SDK1: variants seen among roughly 807,000 people sequenced by gnomAD.
SDK1 encodes the protein protein sidekick-1.
A neutral mutation model predicts 245.5 loss-of-function variants in SDK1; 157 were observed. That is an observed-to-expected ratio of 0.64 (90% CI 0.56 to 0.73). The LOEUF is 0.73. Among genes scored for constraint, SDK1 ranks in the 30% least tolerant of loss-of-function variants. The pLI, the probability that SDK1 is intolerant of heterozygous loss-of-function variation, is 0.00. For missense variants in SDK1, 3,583 were observed against 3,002.3 expected, an observed-to-expected ratio of 1.19 and a Z score of -4.52; for synonymous variants, 1,647 against 1,278.5, an observed-to-expected ratio of 1.29 and a Z score of -6.15.
chr7:4,000,072 G>T (rs2128143944), intron 14 of SDK1, among the ~76,000 whole-genome samples: 1 of 152,308 alleles, frequency 6.6e-6, no homozygotes, highest in South Asian at 2.1e-4. Context: ...GGAGGCTGAG[G>T]GCCTGGAGCA....
intron 25 of SDK1, among the ~76,000 whole-genome samples, chr7:4,123,631 A>C (rs1784206203): frequency 6.6e-6 from 1 of 152,160 alleles, no homozygotes; most frequent in Non-Finnish European, 1.5e-5. Flanking sequence ...TACTCAAATA[A>C]ATGGATAGTA....
rs185529042 is a variant in SDK1, at chr7:3,614,980, G to C, written c.299-4100G>C. 9.3e-3 allele frequency among the ~76,000 whole-genome samples: 1,404 copies of C among 151,350 alleles called. 48 individuals are homozygous for C. The highest frequency in any genetic ancestry group is 0.015 in the Non-Finnish European group (1,021 of 67,736). ...ATTTGTACATGGTATAGGCATGTTT[G>C]TTTAACTATAAAGTCCATGAAAAAT... On this transcript the variant is annotated intron_variant, in intron 1 of 44. Coordinates refer to ENST00000404826, the MANE Select transcript of SDK1 (RefSeq NM_152744.4).
chr7:4,150,084 T>C (rs1366821599), intron 30 of SDK1, among the ~76,000 whole-genome samples: 3 of 152,062 alleles, frequency 2.0e-5, no homozygotes, highest in Non-Finnish European at 4.4e-5. Flanking sequence ...TCCTCACAAC[T>C]GCGGTTTACA....
chr7:3,548,971 C>T (rs1173554077), intron 1 of SDK1, among the ~76,000 whole-genome samples: 1 of 152,212 alleles, frequency 6.6e-6, no homozygotes, highest in Non-Finnish European at 1.5e-5. Flanking sequence ...GGGTTTTACT[C>T]TCCCTACTAT....
chr7:4,230,856 G>T (rs1785716191), intron 40 of SDK1, among the ~76,000 whole-genome samples: 1 of 152,156 alleles, frequency 6.6e-6, no homozygotes, highest in Non-Finnish European at 1.5e-5. Context: ...TGAGTCTGAG[G>T]GGGCAAAAGG....
chr7:3,890,811 G>A (rs1781440610), intron 5 of SDK1, among the ~76,000 whole-genome samples: 1 of 152,104 alleles, frequency 6.6e-6, no homozygotes, highest in Non-Finnish European at 1.5e-5. Flanking sequence ...GTGTTGTGGT[G>A]GGTGCCTGTA....
In SDK1 at chr7:3,425,236, T is replaced by A. The variant is rs150102848; in HGVS notation, c.298+123352T>A. Among the ~76,000 whole-genome samples, 899 of 152,218 alleles carry A rather than the reference T, an allele frequency of 5.9e-3. 6 individuals carry two copies. Among genetic ancestry groups the A allele is most frequent in the African/African-American group, 0.02 (829 of 41,548 alleles). Reference sequence around the variant, plus strand: ...AAGTGAGCTCAGGGAGACAGGCCTGTTGTTATCTTCCTATGGCACTGATTT... The same window carrying A: ...AAGTGAGCTCAGGGAGACAGGCCTGATGTTATCTTCCTATGGCACTGATTT... On this transcript the variant is annotated intron_variant, in intron 1 of 44. Transcript: ENST00000404826.
intron 4 of SDK1, 149 bp downstream of exon 4, chr7:3,642,254 C>G: frequency 3.1e-6 from 2 of 640,958 alleles, no homozygotes; most frequent in South Asian, 2.3e-5. Flanking sequence ...TAATAAACAG[C>G]TATTTGAGGA....
At chr7:4,161,432 G>A (rs535655586) in intron 31 of SDK1, among the ~76,000 whole-genome samples, 35 of 152,302 alleles carry the variant, frequency 2.3e-4, no homozygotes, top group African/African-American at 7.7e-4. Context: ...AAGAGAAAAA[G>A]ATAAGTTCCC....
chr7:4,076,781 G>A (rs1022943509), intron 20 of SDK1, among the ~76,000 whole-genome samples: 7 of 152,096 alleles, frequency 4.6e-5, no homozygotes, highest in South Asian at 2.1e-4. Context: ...TGGTGGGACC[G>A]TCACTCCCAT....
chr7:4,138,168 C>G (rs1355460265), intron 28 of SDK1, among the ~76,000 whole-genome samples: 1 of 152,188 alleles, frequency 6.6e-6, no homozygotes, highest in Non-Finnish European at 1.5e-5. Flanking sequence ...CTGCAATTAG[C>G]AGGGATGCCG....
intron 5 of SDK1, among the ~76,000 whole-genome samples, chr7:3,919,901 C>G (rs991765842): frequency 5.3e-5 from 8 of 152,136 alleles, no homozygotes; most frequent in African/African-American, 1.9e-4. Context: ...AAACACCAAT[C>G]AGATGTGACC....
chr7:4,037,942 T>G (rs1323362770), intron 17 of SDK1, among the ~76,000 whole-genome samples: 1 of 152,252 alleles, frequency 6.6e-6, no homozygotes, highest in Non-Finnish European at 1.5e-5. Flanking sequence ...TGTGTAAGCT[T>G]TGACCATTTC....
rs112552777 is a variant in SDK1, at chr7:4,180,503, T to C, written c.5098+1917T>C. 4.5e-3 allele frequency among the ~76,000 whole-genome samples: 531 copies of C among 118,086 alleles called. 3 individuals carry two copies. Among genetic ancestry groups the C allele is most frequent in the African/African-American group, 0.014 (428 of 30,790 alleles). The allele number at this position is 118,086 out of a possible 152,430, so 77.5% of individuals were successfully genotyped here. A position where few individuals can be genotyped will look rare whatever the true frequency, so the allele number is the denominator to read the frequency against. ...TGGCTCCAGCTCTATGCCCAGTGCC[T>C]GGCTCCAGCTCTATGTCCAGCACCC... On this transcript the variant is annotated intron_variant, in intron 35 of 44. Transcript: ENST00000404826.
At chr7:3,690,749 A>G (rs2114995273) in intron 4 of SDK1, among the ~76,000 whole-genome samples, 1 of 152,302 alleles carries the variant, frequency 6.6e-6, no homozygotes, top group Admixed American at 6.5e-5. Flanking sequence ...GTTGATTATA[A>G]CTCTCTACTA....
At chr7:3,497,337 A>C (rs951009934) in intron 1 of SDK1, among the ~76,000 whole-genome samples, 1 of 152,188 alleles carries the variant, frequency 6.6e-6, no homozygotes, top group African/African-American at 2.4e-5. Flanking sequence ...TAAATGTAGT[A>C]TTTGTGGGAA....
intron 17 of SDK1, among the ~76,000 whole-genome samples, chr7:4,049,000 C>T (rs918037263): frequency 1.3e-5 from 2 of 152,120 alleles, no homozygotes; most frequent in South Asian, 2.1e-4. Flanking sequence ...TAGATGAAAC[C>T]TTGCCTTGAT....
Position 4,012,081 on chromosome 7 carries a change from T to C in SDK1, c.2280-14T>C, listed in dbSNP as rs779384913. 3 of 1,499,770 alleles carry C rather than the reference T, an allele frequency of 2.0e-6. No individual in the cohort carries two copies. The highest frequency in any genetic ancestry group is 1.4e-5 in the South Asian group (1 of 70,812). The allele number at this position is 1,499,770 out of a possible 1,614,324, so 92.9% of individuals were successfully genotyped here. On this transcript the variant is annotated splice_polypyrimidine_tract_variant and intron_variant, in intron 15 of 44. Coordinates refer to ENST00000404826, the MANE Select transcript of SDK1 (RefSeq NM_152744.4). The stretch of plus-strand genomic sequence containing the variant: ...TACTCATCTCTCTTGTTCCTACCCG[T>C]CTTTTATTTATAGGTTGATGCTACC...
Position 3,424,191 on chromosome 7 carries a change from C to T in SDK1, c.298+122307C>T, listed in dbSNP as rs993808559. ...CCTGCCTAAGTGCTGGGATTATAGGCGTGAGCCACCATGCCCGGCCATACT... is the reference window on the plus strand; with the variant it reads ...CCTGCCTAAGTGCTGGGATTATAGGTGTGAGCCACCATGCCCGGCCATACT... On this transcript the variant is annotated intron_variant, in intron 1 of 44. Transcript: ENST00000404826. 3.9e-5 allele frequency among the ~76,000 whole-genome samples: 6 copies of T among 152,144 alleles called. No individual in the cohort carries two copies. In the East Asian group the frequency reaches 7.7e-4, roughly 20 times the overall value.
Sources: allele counts gnomAD v4.1 joint callset (sites outside exome capture counted in the v4.1 genomes callset), GRCh38; gene constraint gnomAD v4.1.1; transcripts MANE v1.5; gene names NCBI Gene and HGNC (gene_info 2026-07-23, HGNC 2026-07-21).